The following SPRED2 variants were observed in gnomAD, a reference collection of about 807,000 sequenced individuals.
The protein encoded by SPRED2 is sprouty related EVH1 domain containing 2.
A neutral mutation model predicts 43.0 loss-of-function variants in SPRED2; 47 were observed. The observed-to-expected ratio is 1.09, with a 90% CI of 0.87 to 1.40. The LOEUF is 1.40. Among genes scored for constraint, SPRED2 ranks in the 40% most tolerant of loss-of-function variants. The pLI, the probability that SPRED2 is intolerant of heterozygous loss-of-function variation, is 0.00. For missense variants in SPRED2, 561 were observed against 586.4 expected, an observed-to-expected ratio of 0.96 and a Z score of 0.45; for synonymous variants, 225 against 225.7, an observed-to-expected ratio of 1.00 and a Z score of 0.03.
At chr2:65,330,356 G>A (rs537835661) in intron 4 of SPRED2, among the ~76,000 whole-genome samples, 2 of 152,220 alleles carry the variant, frequency 1.3e-5, no homozygotes. Context: ...GACAACTGGG[G>A]AACTATGAAG....
chr2:65,377,739 C>T (rs541407328), intron 1 of SPRED2: 3 of 470,838 alleles, frequency 6.4e-6, no homozygotes, highest in East Asian at 6.9e-5. Context: ...TCCATCAGAA[C>T]ACAAGTCCTG....
rs998857904 is a variant in SPRED2, at chr2:65,310,997, CTTA to C, written c.*2501_*2503del. 7.0e-5 allele frequency: 69 copies of C among 983,480 alleles called. No individual in the cohort carries two copies. The African/African-American group carries it at 1.2e-3, about 17-fold the overall frequency. The allele number at this position is 983,480 out of a possible 1,614,324, so 60.9% of individuals were successfully genotyped here. A position where few individuals can be genotyped will look rare whatever the true frequency, so the allele number is the denominator to read the frequency against. ...TATTTTTTACACAGAGGTAAAAAGGCTTATTATAAAAAAATCAATACAACAGGG... is the reference window on the plus strand; with the variant it reads ...TATTTTTTACACAGAGGTAAAAAGGCTTATAAAAAAATCAATACAACAGGG... On this transcript the variant is annotated 3_prime_UTR_variant, in exon 6 of 6. Transcript: ENST00000356388.
intron 2 of SPRED2, among the ~76,000 whole-genome samples, chr2:65,335,728 A>ACC (rs201473667): frequency 9.9e-6 from 1 of 100,620 alleles, no homozygotes; most frequent in Non-Finnish European, 2.1e-5. Context: ...TTATAAAATA[A>ACC]CCCCGTCTAG....
In SPRED2 at chr2:65,314,179, A is replaced by C; in HGVS notation, c.589-10T>G. On this transcript the variant is annotated splice_polypyrimidine_tract_variant and intron_variant, in intron 5 of 5. Coordinates refer to ENST00000356388, the MANE Select transcript of SPRED2 (RefSeq NM_181784.3). ...AGGGCCTTGGCATCGGCTGTCCCGT[A>C]GGAGAGGAGACATTATTTTACAGCA... The C allele has an allele frequency of 6.4e-7, 1 of 1,558,214 alleles. No individual in the cohort carries two copies. The highest frequency in any genetic ancestry group is 8.7e-7 in the Non-Finnish European group (1 of 1,149,132).
Position 65,310,999 on chromosome 2 carries a change from T to A in SPRED2, c.*2502A>T, listed in dbSNP as rs1673053394. The A allele has an allele frequency of 3.0e-6, 3 of 983,804 alleles. No individual in the cohort carries two copies. The allele number at this position is 983,804 out of a possible 1,614,324, so 60.9% of individuals were successfully genotyped here. A position where few individuals can be genotyped will look rare whatever the true frequency, so the allele number is the denominator to read the frequency against. On this transcript the variant is annotated 3_prime_UTR_variant, in exon 6 of 6. Transcript: ENST00000356388. ...TTTTTTACACAGAGGTAAAAAGGCTTATTATAAAAAAATCAATACAACAGG... is the reference window on the plus strand; with the variant it reads ...TTTTTTACACAGAGGTAAAAAGGCTAATTATAAAAAAATCAATACAACAGG...
intron 1 of SPRED2, among the ~76,000 whole-genome samples, chr2:65,418,772 C>G (rs1676349994): frequency 6.6e-6 from 1 of 152,046 alleles, no homozygotes; most frequent in Admixed American, 6.6e-5. Flanking sequence ...CCAGGCTGGT[C>G]TCAAACTCCT....
rs998444724 is a variant in SPRED2, at chr2:65,311,300, C to T, written c.*2201G>A. On this transcript the variant is annotated 3_prime_UTR_variant, in exon 6 of 6. Transcript: ENST00000356388. The stretch of plus-strand genomic sequence containing the variant: ...ATGTCCCCATGGCTGTCTTTGTGCC[C>T]TTAACCGATGCCTTCACAAACCAAA... The T allele has an allele frequency of 8.1e-6, 8 of 985,734 alleles. No individual in the cohort carries two copies. Among genetic ancestry groups the T allele is most frequent in the Non-Finnish European group, 9.6e-6 (8 of 829,946 alleles). 61.1% of individuals were successfully genotyped at this position (985,734 alleles called of 1,614,324 possible).
At chr2:65,377,522 C>G in intron 1 of SPRED2, 1 of 466,646 alleles carries the variant, frequency 2.1e-6, no homozygotes, top group Non-Finnish European at 4.5e-6. Context: ...CTAAGAAATT[C>G]TAACAGTGTT....
At chr2:65,431,116 C>A (rs899795148) in intron 1 of SPRED2, among the ~76,000 whole-genome samples, 12 of 151,656 alleles carry the variant, frequency 7.9e-5, no homozygotes, top group African/African-American at 2.9e-4. Context: ...CCGCGCGGGG[C>A]GGCCCAGGAT....
At chr2:65,422,077 A>AACACACACACACACAC (rs367817858) in intron 1 of SPRED2, among the ~76,000 whole-genome samples, 181 of 127,682 alleles carry the variant, frequency 1.4e-3, no homozygotes, top group African/African-American at 5.0e-3. Flanking sequence ...TTGTATGTAC[A>AACACACACACACACAC]ACACACACAC....
chr2:65,394,663 A>T (rs1675712885), intron 1 of SPRED2, among the ~76,000 whole-genome samples: 1 of 152,106 alleles, frequency 6.6e-6, no homozygotes, highest in South Asian at 2.1e-4. Context: ...CCTCAGTCCC[A>T]GGCCTCCTTG....
chr2:65,431,889 G>T, intron 1 of SPRED2, 73 bp downstream of exon 1: 1 of 1,566,246 alleles, frequency 6.4e-7, no homozygotes, highest in Non-Finnish European at 8.8e-7. Context: ...AAGCGTCCCC[G>T]CCCGCATCCT....
chr2:65,422,104 ACTCTCTCT>A (rs71398633), intron 1 of SPRED2, among the ~76,000 whole-genome samples: 16,227 of 128,956 alleles, frequency 0.13, 1,075 homozygotes, highest in African/African-American at 0.15. Flanking sequence ...ACACACACAC[ACTCTCTCT>A]CTCTCTCTCT....
intron 1 of SPRED2, among the ~76,000 whole-genome samples, chr2:65,369,378 T>C (rs1357428942): frequency 1.3e-5 from 2 of 152,200 alleles, no homozygotes; most frequent in African/African-American, 2.4e-5. Flanking sequence ...CCAAATTTAT[T>C]TGACCACAGA....
In SPRED2 at chr2:65,314,050, G is replaced by T. The variant is rs1046521097; in HGVS notation, c.708C>A (p.Val236=). 6.2e-7 allele frequency: 1 copy of T among 1,614,150 alleles called. No individual in the cohort carries two copies. Among genetic ancestry groups the T allele is most frequent in the East Asian group, 2.2e-5 (1 of 44,872 alleles). Residue 236 remains valine (V), a synonymous_variant, in exon 6 of 6, where the codon GTC becomes GTA. Coordinates refer to ENST00000356388, the MANE Select transcript of SPRED2 (RefSeq NM_181784.3). ...CCGAGGGGTCCGGGTACTTGCCCCT[G>T]ACGGGTGCGTGCCGGTAATCCTCGT... The part of the protein sequence containing the change: ...TGYEDYRHAP[V]RGKYPDPSED...
intron 1 of SPRED2, among the ~76,000 whole-genome samples, chr2:65,394,714 G>A (rs919379188): frequency 6.6e-6 from 1 of 152,074 alleles, no homozygotes. Flanking sequence ...AGCCATGAGG[G>A]GTTTTGCTTA....
intron 4 of SPRED2, among the ~76,000 whole-genome samples, chr2:65,322,063 C>A (rs1432934137): frequency 1.3e-5 from 2 of 151,934 alleles, no homozygotes; most frequent in Non-Finnish European, 1.5e-5. Flanking sequence ...GGATGAGCTA[C>A]CACGCCTGGC....
At chr2:65,355,961 A>G (rs987480426) in intron 1 of SPRED2, among the ~76,000 whole-genome samples, 2 of 152,242 alleles carry the variant, frequency 1.3e-5, no homozygotes, top group African/African-American at 4.8e-5. Context: ...TCAGATTACT[A>G]AACAAAATTA....
intron 1 of SPRED2, among the ~76,000 whole-genome samples, chr2:65,401,670 C>T (rs986556368): frequency 3.3e-5 from 5 of 151,630 alleles, no homozygotes; most frequent in African/African-American, 4.8e-5. Flanking sequence ...TGGTGGCGGG[C>T]GCGCCTGTAG....
Sources: gnomAD v4.1 joint callset for allele counts (sites outside exome capture counted in the v4.1 genomes callset) on GRCh38, gnomAD v4.1.1 for gene constraint, MANE v1.5 for transcripts, NCBI Gene and HGNC (gene_info 2026-07-23, HGNC 2026-07-21) for gene names.